CELF2: variants seen among roughly 807,000 people sequenced by gnomAD.
CELF2 encodes the protein CUGBP Elav-like family member 2.
Under a neutral mutation model 62.6 loss-of-function variants are expected in CELF2, and 8 were observed. The ratio of observed to expected loss-of-function variants is 0.13; its 90% CI spans 0.07 to 0.23. The LOEUF is 0.23. Among genes scored for constraint, CELF2 ranks in the 10% least tolerant of loss-of-function variants. The pLI is 1.00. For missense variants in CELF2, 333 were observed against 671.0 expected (o/e 0.50, Z 5.56); for synonymous variants, 258 against 250.0 (o/e 1.03, Z -0.30).
At chr10:10,869,996 A>T (rs906156966) in intron 1 of CELF2, among the ~76,000 whole-genome samples, 7 of 152,180 alleles carry the variant, frequency 4.6e-5, no homozygotes, top group Non-Finnish European at 8.8e-5. Context: ...TGCCATTGAG[A>T]TTACCTATAT....
At chr10:10,795,725 AAC>A (rs371208232), upstream of CELF2, among the ~76,000 whole-genome samples, 1 of 150,788 alleles carries the variant, frequency 6.6e-6, no homozygotes, top group Admixed American at 6.6e-5. Context: ...TGTAAACATA[AAC>A]ACACACACAC....
At chr10:10,554,284 C>A in the CELF2 span, among the ~76,000 whole-genome samples, 2 of 152,250 alleles carry the variant, frequency 1.3e-5, no homozygotes, top group Admixed American at 1.3e-4. Flanking sequence ...ATCTCATACT[C>A]CTCACCCTTC....
intron 1 of CELF2, among the ~76,000 whole-genome samples, chr10:11,091,988 T>C (rs2048453668): frequency 6.6e-6 from 1 of 152,198 alleles, no homozygotes; most frequent in Non-Finnish European, 1.5e-5. Flanking sequence ...CTGATCAATA[T>C]CCTAGAACGT....
intron 3 of CELF2, among the ~76,000 whole-genome samples, chr10:11,240,885 A>T (rs1246186359): frequency 6.6e-6 from 1 of 152,190 alleles, no homozygotes; most frequent in Non-Finnish European, 1.5e-5. Flanking sequence ...GTGGATGCAC[A>T]TGACAGGCGG....
At chr10:10,801,838 TAGG>T (rs2054695441) in intron 1 of CELF2, among the ~76,000 whole-genome samples, 2 of 152,188 alleles carry the variant, frequency 1.3e-5, no homozygotes, top group South Asian at 4.1e-4. Flanking sequence ...TATAGTGTTT[TAGG>T]AGATGATCTG....
At chr10:10,473,911 G>A in the CELF2 span, among the ~76,000 whole-genome samples, 4 of 152,014 alleles carry the variant, frequency 2.6e-5, no homozygotes, top group African/African-American at 9.7e-5. Context: ...TCTTAACAGT[G>A]AAAAAGTTCA....
chr10:11,258,570 G>C (rs2079499050), intron 5 of CELF2, among the ~76,000 whole-genome samples: 1 of 152,156 alleles, frequency 6.6e-6, no homozygotes, highest in Admixed American at 6.5e-5. Context: ...TGTTTTCCCT[G>C]TTTGCCTCTC....
chr10:10,644,755 C>T, the CELF2 span, among the ~76,000 whole-genome samples: 1 of 152,106 alleles, frequency 6.6e-6, no homozygotes, highest in African/African-American at 2.4e-5. Flanking sequence ...AGTATCTCCC[C>T]CCACGTCCTG....
intron 1 of CELF2, among the ~76,000 whole-genome samples, chr10:11,090,298 A>G (rs1418289681): frequency 1.3e-5 from 2 of 152,134 alleles, no homozygotes; most frequent in Non-Finnish European, 2.9e-5. Context: ...ATTTTTGTAT[A>G]TGTTTGTATT....
At chr10:10,733,612 TG>T in the CELF2 span, among the ~76,000 whole-genome samples, 9 of 151,868 alleles carry the variant, frequency 5.9e-5, no homozygotes, top group Non-Finnish European at 1.2e-4. Flanking sequence ...CAGCATGGCT[TG>T]GGGGGGCCTC....
At chr10:10,753,324 TG>T in the CELF2 span, among the ~76,000 whole-genome samples, 1 of 151,982 alleles carries the variant, frequency 6.6e-6, no homozygotes, top group Admixed American at 6.6e-5. Flanking sequence ...TGTGTGTGTG[TG>T]TGTGTTAAGA....
chr10:11,081,288 C>T (rs1302664750), intron 1 of CELF2, among the ~76,000 whole-genome samples: 1 of 152,076 alleles, frequency 6.6e-6, no homozygotes, highest in Non-Finnish European at 1.5e-5. Flanking sequence ...GCAAAAAGAC[C>T]AGCAGCCTAG....
chr10:10,901,422 A>G (rs146780476), intron 1 of CELF2, among the ~76,000 whole-genome samples: 166 of 152,356 alleles, frequency 1.1e-3, no homozygotes, highest in African/African-American at 3.7e-3. Context: ...CAATGAAGTG[A>G]GAAAAGAATG....
the CELF2 span, among the ~76,000 whole-genome samples, chr10:10,494,637 T>A: frequency 2.6e-5 from 4 of 152,238 alleles, no homozygotes; most frequent in Admixed American, 6.5e-5. Flanking sequence ...ACCCTCAGCA[T>A]AATCTTCTTC....
chr10:10,871,276 C>T (rs2060729672), intron 1 of CELF2, among the ~76,000 whole-genome samples: 1 of 152,184 alleles, frequency 6.6e-6, no homozygotes, highest in Non-Finnish European at 1.5e-5. Flanking sequence ...CTTCATTCCA[C>T]AACAGAAAGG....
chr10:11,164,395 C>T (rs1207951857), intron 1 of CELF2, among the ~76,000 whole-genome samples: 1 of 152,226 alleles, frequency 6.6e-6, no homozygotes, highest in Non-Finnish European at 1.5e-5. Flanking sequence ...GGGCTGTACA[C>T]AGCATTCTCT....
the CELF2 span, among the ~76,000 whole-genome samples, chr10:10,556,188 C>G: frequency 6.6e-6 from 1 of 152,154 alleles, no homozygotes; most frequent in Non-Finnish European, 1.5e-5. Flanking sequence ...CTCCCTCCCC[C>G]CACCACATCA....
chr10:10,573,751 A>G, the CELF2 span, among the ~76,000 whole-genome samples: 1 of 151,982 alleles, frequency 6.6e-6, no homozygotes, highest in African/African-American at 2.4e-5. Flanking sequence ...TCAAGTTTCA[A>G]CATAATCGTT....
chr10:10,463,819 C>T, the CELF2 span, among the ~76,000 whole-genome samples: 1 of 151,978 alleles, frequency 6.6e-6, no homozygotes, highest in East Asian at 1.9e-4. Flanking sequence ...TTTGCTTTCG[C>T]CCCATTGTTC....
Sources: gnomAD v4.1 joint callset for allele counts (sites outside exome capture counted in the v4.1 genomes callset) on GRCh38, gnomAD v4.1.1 for gene constraint, MANE v1.5 for transcripts, NCBI Gene and HGNC (gene_info 2026-07-23, HGNC 2026-07-21) for gene names.